ITGA2: variants seen among roughly 807,000 people sequenced by gnomAD.
The protein encoded by ITGA2 is integrin alpha-2.
A neutral mutation model predicts 146.3 loss-of-function variants in ITGA2; 101 were observed. That is an observed-to-expected ratio of 0.69 (90% CI 0.59 to 0.81). The LOEUF (loss-of-function observed/expected upper bound fraction) is 0.81. Among genes scored for constraint, ITGA2 ranks in the 40% least tolerant of loss-of-function variants. ITGA2 has a pLI of 0.00. For synonymous variants in ITGA2, 477 were observed against 487.1 expected, an observed-to-expected ratio of 0.98 and a Z score of 0.27; for missense variants, 1,281 against 1,402.7, an observed-to-expected ratio of 0.91 and a Z score of 1.39.
intron 24 of ITGA2, among the ~76,000 whole-genome samples, chr5:53,079,134 G>A (rs948574304): frequency 6.6e-6 from 1 of 152,052 alleles, no homozygotes; most frequent in Non-Finnish European, 1.5e-5. Flanking sequence ...TTATGCTGCT[G>A]GTCCAGGTGC....
At chr5:53,080,458 C>A (rs556552375) in intron 24 of ITGA2, 53 bp from the exon 25 acceptor site, 1 of 1,412,344 alleles carries the variant, frequency 7.1e-7, no homozygotes. Context: ...GGTGAATTTC[C>A]TTGCATCATG....
chr5:53,028,144 A>C (rs1743043784), intron 2 of ITGA2, among the ~76,000 whole-genome samples: 1 of 152,114 alleles, frequency 6.6e-6, no homozygotes, highest in Non-Finnish European at 1.5e-5. Context: ...GTGAACTTCC[A>C]TTTGATACTC....
chr5:53,074,954 C>G, intron 21 of ITGA2, 107 bp from the exon 22 acceptor site: 1 of 764,666 alleles, frequency 1.3e-6, no homozygotes, highest in Non-Finnish European at 2.3e-6. Context: ...ATATAAAATT[C>G]AGAATCAAAT....
intron 1 of ITGA2, among the ~76,000 whole-genome samples, chr5:53,000,815 A>G (rs1011388525): frequency 3.9e-5 from 6 of 151,902 alleles, no homozygotes; most frequent in Non-Finnish European, 5.9e-5. Flanking sequence ...GTTATATTAG[A>G]AAAAATTATT....
chr5:53,081,621 C>T lies in ITGA2; in HGVS notation c.3069C>T (p.Ile1023=). Residue 1023 remains isoleucine, a synonymous_variant, in exon 26 of 30, where the codon ATC becomes ATT. Coordinates refer to ENST00000296585, the MANE Select transcript of ITGA2 (RefSeq NM_002203.4). Reference sequence around the variant, plus strand: ...GTGACATCAGTTGTAATGCAGATATCAATCCACTGAAAATAGGACAAACAT... The same window carrying T: ...GTGACATCAGTTGTAATGCAGATATTAATCCACTGAAAATAGGACAAACAT... ...KAGDISCNAD[I]NPLKIGQTSS... is the part of the protein sequence containing the mutation. The T allele has an allele frequency of 1.2e-6, 2 of 1,612,774 alleles. No individual in the cohort carries two copies. The highest frequency in any genetic ancestry group is 2.2e-5 in the South Asian group (2 of 91,028).
At chr5:53,077,811 CA>C (rs888919331) in intron 23 of ITGA2, among the ~76,000 whole-genome samples, 2 of 151,798 alleles carry the variant, frequency 1.3e-5, no homozygotes, top group African/African-American at 2.4e-5. Flanking sequence ...TAAAGAAACC[CA>C]AAAAATTCTA....
chr5:53,013,356 T>A (rs950673851), intron 1 of ITGA2, among the ~76,000 whole-genome samples: 1 of 151,202 alleles, frequency 6.6e-6, no homozygotes, highest in African/African-American at 2.4e-5. Context: ...AAATGGGCAG[T>A]CCTTTCCCTA....
At chr5:52,991,506 T>A (rs994034103) in intron 1 of ITGA2, among the ~76,000 whole-genome samples, 7 of 152,186 alleles carry the variant, frequency 4.6e-5, no homozygotes, top group South Asian at 2.1e-4. Context: ...AAAAGCTATG[T>A]ATGTGACAGA....
chr5:53,059,454 A>T (rs1046496348), intron 10 of ITGA2, among the ~76,000 whole-genome samples: 9 of 151,920 alleles, frequency 5.9e-5, no homozygotes, highest in Non-Finnish European at 1.0e-4. Flanking sequence ...CCGTGTCAGT[A>T]CTTCTGTTTC....
intron 14 of ITGA2, among the ~76,000 whole-genome samples, 198 bp from the exon 15 acceptor site, chr5:53,065,643 C>T (rs558166326): frequency 1.3e-5 from 2 of 151,778 alleles, no homozygotes; most frequent in South Asian, 2.1e-4. Flanking sequence ...GCTGTCCCTT[C>T]GATGAAAATG....
Position 53,078,891 on chromosome 5 carries a change from T to C in ITGA2, c.2928+17T>C. 7.2e-7 allele frequency: 1 copy of C among 1,379,692 alleles called. No individual in the cohort carries two copies. The highest frequency in any genetic ancestry group is 1.2e-5 in the South Asian group (1 of 86,278). The allele number at this position is 1,379,692 out of a possible 1,614,324, so 85.5% of individuals were successfully genotyped here. The stretch of plus-strand genomic sequence containing the variant: ...TCCCTGAAGGTTGGTAAGCCTGTCA[T>C]AAGGATGGCAAATCCAGGAGAAAGT... On this transcript the variant is annotated intron_variant, in intron 24 of 29. Coordinates refer to ENST00000296585, the MANE Select transcript of ITGA2 (RefSeq NM_002203.4).
intron 2 of ITGA2, among the ~76,000 whole-genome samples, chr5:53,034,869 G>A (rs1468246977): frequency 6.6e-6 from 1 of 152,180 alleles, no homozygotes; most frequent in Non-Finnish European, 1.5e-5. Flanking sequence ...TTCTCTAGAA[G>A]AGTTCTAAGG....
intron 2 of ITGA2, among the ~76,000 whole-genome samples, chr5:53,040,922 C>T (rs1329943301): frequency 6.6e-6 from 1 of 151,898 alleles, no homozygotes; most frequent in African/African-American, 2.4e-5. Flanking sequence ...TATTCCAGGT[C>T]ATTTGGATTT....
chr5:52,997,545 G>A (rs1314607236), intron 1 of ITGA2, among the ~76,000 whole-genome samples: 1 of 152,224 alleles, frequency 6.6e-6, no homozygotes, highest in Non-Finnish European at 1.5e-5. Context: ...GGCGAGCAAA[G>A]CTATTGCACC....
Position 53,065,065 on chromosome 5 carries a change from G to A in ITGA2, c.1756G>A (p.Val586Ile). 6.2e-7 allele frequency: 1 copy of A among 1,612,742 alleles called. No individual in the cohort carries two copies. Among genetic ancestry groups the A allele is most frequent in the Non-Finnish European group, 8.5e-7 (1 of 1,179,160 alleles). The change falls in exon 14 of 30, where the codon GTA becomes ATA. Residue 586 changes from valine to isoleucine, a missense_variant. Around this residue, in one of 3 missense-constraint regions of ITGA2, gnomAD observed 795 missense variants for 841.7 expected, o/e 0.94. Coordinates refer to ENST00000296585, the MANE Select transcript of ITGA2 (RefSeq NM_002203.4). ...ACTAGAAAATCAGAATTCTGGAGCT[G>A]TATACATTTACAATGGTCATCAGGG... ...SPLENQNSGA[V>I]YIYNGHQGTI...
chr5:53,022,342 G>C (rs180885282), intron 1 of ITGA2, among the ~76,000 whole-genome samples: 49 of 152,052 alleles, frequency 3.2e-4, no homozygotes, highest in Admixed American at 2.7e-3. Flanking sequence ...GAGATTACAC[G>C]TGTGAGCTGC....
intron 1 of ITGA2, among the ~76,000 whole-genome samples, chr5:52,990,556 AGT>A (rs373636818): frequency 7.6e-6 from 1 of 130,968 alleles, no homozygotes; most frequent in African/African-American, 2.7e-5. Context: ...CTGATTTTAA[AGT>A]GTGTGTGTGG....
At chr5:53,004,282 T>A (rs2111710516) in intron 1 of ITGA2, among the ~76,000 whole-genome samples, 1 of 152,320 alleles carries the variant, frequency 6.6e-6, no homozygotes, top group Admixed American at 6.5e-5. Context: ...GGAGAGTAAG[T>A]TAAATCCCAT....
At chr5:53,064,736 AAGGTCTCACTATTGCTCAAGC>A (rs1745066513) in intron 13 of ITGA2, among the ~76,000 whole-genome samples, 155 bp from the exon 14 acceptor site, 1 of 151,844 alleles carries the variant, frequency 6.6e-6, no homozygotes, top group Admixed American at 6.6e-5. Context: ...TTATAGAGAC[AAGGTCTCACTATTGCTCAAGC>A]AGGTCTCAAA....
Sources: gnomAD v4.1 joint callset for allele counts (sites outside exome capture counted in the v4.1 genomes callset) on GRCh38, gnomAD v4.1.1 for gene constraint, gnomAD v4.1.1 regional missense constraint, MANE v1.5 for transcripts, NCBI Gene and HGNC (gene_info 2026-07-23, HGNC 2026-07-21) for gene names.